IMMP2L: variants seen among roughly 807,000 people sequenced by gnomAD.
IMMP2L encodes the protein mitochondrial inner membrane protease subunit 2.
IMMP2L carries 18 observed loss-of-function variants against 19.3 expected under a neutral mutation model. That is an observed-to-expected ratio of 0.93 (90% CI 0.64 to 1.38). The LOEUF (loss-of-function observed/expected upper bound fraction) is 1.38, where lower values mean the gene tolerates loss of function less well. Ranked by LOEUF, IMMP2L falls within the 40% of genes most tolerant of loss-of-function variation. The pLI is 0.00. For synonymous variants in IMMP2L, 76 were observed against 73.0 expected (o/e 1.04, Z -0.21); for missense variants, 233 against 218.2 (o/e 1.07, Z -0.43).
At chr7:111,485,670 T>G (rs996858009) in intron 3 of IMMP2L, among the ~76,000 whole-genome samples, 1 of 147,332 alleles carries the variant, frequency 6.8e-6, no homozygotes. Flanking sequence ...CAATCCCAAT[T>G]TGAATAGAAT....
intron 3 of IMMP2L, among the ~76,000 whole-genome samples, chr7:111,326,196 C>A (rs1163657576): frequency 6.6e-6 from 1 of 151,432 alleles, no homozygotes; most frequent in Non-Finnish European, 1.5e-5. Flanking sequence ...ATTTTGAAGG[C>A]AATTAGTTCA....
At chr7:111,194,447 C>T (rs1203576747) in intron 3 of IMMP2L, among the ~76,000 whole-genome samples, 4 of 152,094 alleles carry the variant, frequency 2.6e-5, no homozygotes, top group Non-Finnish European at 5.9e-5. Context: ...CTCCTTTGTA[C>T]CATTACACCT....
intron 3 of IMMP2L, among the ~76,000 whole-genome samples, chr7:110,964,469 G>C (rs1163324887): frequency 6.6e-6 from 1 of 152,028 alleles, no homozygotes; most frequent in Non-Finnish European, 1.5e-5. Flanking sequence ...ATAGAATTCA[G>C]AGCGCTAAAA....
intron 3 of IMMP2L, among the ~76,000 whole-genome samples, chr7:111,093,089 T>C (rs1797033491): frequency 6.6e-6 from 1 of 152,192 alleles, no homozygotes; most frequent in South Asian, 2.1e-4. Context: ...AAGAAGTCAA[T>C]TAATTCCAGT....
At chr7:110,898,797 T>A (rs1194075099) in intron 4 of IMMP2L, among the ~76,000 whole-genome samples, 1 of 150,358 alleles carries the variant, frequency 6.7e-6, no homozygotes, top group Non-Finnish European at 1.5e-5. Flanking sequence ...CAGCTCTTTT[T>A]CCTGAGTTTG....
chr7:111,133,418 G>A (rs1802034602), intron 3 of IMMP2L, among the ~76,000 whole-genome samples: 1 of 151,980 alleles, frequency 6.6e-6, no homozygotes, highest in Non-Finnish European at 1.5e-5. Context: ...GCAGAGAAAT[G>A]TTAAGGTAGA....
intron 3 of IMMP2L, among the ~76,000 whole-genome samples, chr7:111,299,729 T>C (rs1201484623): frequency 2.0e-5 from 3 of 152,096 alleles, no homozygotes; most frequent in African/African-American, 7.2e-5. Context: ...ATCTCATGTG[T>C]GAATTTGTCT....
chr7:110,716,654 C>G (rs1795253208), intron 5 of IMMP2L, among the ~76,000 whole-genome samples: 1 of 152,154 alleles, frequency 6.6e-6, no homozygotes, highest in South Asian at 2.1e-4. Flanking sequence ...TGTAAGATTT[C>G]TGCTGAGAAG....
At chr7:111,203,934 A>G (rs1408016920) in intron 3 of IMMP2L, among the ~76,000 whole-genome samples, 1 of 152,184 alleles carries the variant, frequency 6.6e-6, no homozygotes. Flanking sequence ...GGAATAGTTT[A>G]AAATGGTTAC....
intron 3 of IMMP2L, among the ~76,000 whole-genome samples, chr7:111,453,920 C>G (rs994275253): frequency 6.6e-5 from 10 of 152,124 alleles, no homozygotes; most frequent in Admixed American, 4.6e-4. Context: ...GAAGTTTAGC[C>G]AAATTAAATA....
intron 3 of IMMP2L, among the ~76,000 whole-genome samples, chr7:111,451,763 C>G (rs114856988): frequency 0.02 from 2,989 of 148,460 alleles, 101 homozygotes; most frequent in African/African-American, 0.07. Context: ...AGGAAAAAAG[C>G]AGAGAGAAGG....
intron 3 of IMMP2L, among the ~76,000 whole-genome samples, chr7:111,291,229 A>G (rs1049862868): frequency 6.6e-6 from 1 of 152,166 alleles, no homozygotes; most frequent in Non-Finnish European, 1.5e-5. Context: ...GGGAAAAAAA[A>G]AGTTCAACAA....
chr7:111,543,177 TATAA>T (rs555237378), intron 1 of IMMP2L, among the ~76,000 whole-genome samples: 65 of 152,294 alleles, frequency 4.3e-4, no homozygotes, highest in African/African-American at 1.3e-3. Flanking sequence ...TTTCGGCAAA[TATAA>T]AAGCAAATAC....
At chr7:111,082,533 C>T (rs1795970552) in intron 3 of IMMP2L, among the ~76,000 whole-genome samples, 1 of 152,170 alleles carries the variant, frequency 6.6e-6, no homozygotes, top group Admixed American at 6.5e-5. Flanking sequence ...TCAAATGAGA[C>T]ATCTATTCAG....
At chr7:110,931,284 T>A (rs1421031488) in intron 4 of IMMP2L, among the ~76,000 whole-genome samples, 1 of 152,170 alleles carries the variant, frequency 6.6e-6, no homozygotes, top group Non-Finnish European at 1.5e-5. Context: ...ATGGATGTCA[T>A]TAAACCCTGA....
chr7:111,038,299 T>C (rs916199892), intron 3 of IMMP2L, among the ~76,000 whole-genome samples: 1 of 152,148 alleles, frequency 6.6e-6, no homozygotes, highest in African/African-American at 2.4e-5. Context: ...AAGCAATACG[T>C]TGGTGGCTAG....
At chr7:111,103,289 T>C (rs1798181772) in intron 3 of IMMP2L, among the ~76,000 whole-genome samples, 1 of 151,624 alleles carries the variant, frequency 6.6e-6, no homozygotes, top group Non-Finnish European at 1.5e-5. Flanking sequence ...CCAACAAGCA[T>C]ACACGTATAC....
chr7:111,269,651 A>T (rs573619653), intron 3 of IMMP2L, among the ~76,000 whole-genome samples: 115 of 143,838 alleles, frequency 8.0e-4, no homozygotes, highest in East Asian at 7.6e-3. Flanking sequence ...AGTTTTTTTT[A>T]AAAAAAAACA....
At chr7:110,816,293 T>A (rs1371806939) in intron 5 of IMMP2L, among the ~76,000 whole-genome samples, 1 of 152,154 alleles carries the variant, frequency 6.6e-6, no homozygotes, top group Non-Finnish European at 1.5e-5. Flanking sequence ...AGATTCTTAA[T>A]CCTGAGTTCT....
Sources: gnomAD v4.1 joint callset for allele counts (sites outside exome capture counted in the v4.1 genomes callset) on GRCh38, gnomAD v4.1.1 for gene constraint, MANE v1.5 for transcripts, NCBI Gene and HGNC (gene_info 2026-07-23, HGNC 2026-07-21) for gene names.